The following GAREM1 variants were observed in gnomAD, a reference collection of about 807,000 sequenced individuals.
GAREM1 encodes GRB2-associated and regulator of MAPK protein 1.
Under a neutral mutation model 71.3 loss-of-function variants are expected in GAREM1, and 26 were observed. That is an observed-to-expected ratio of 0.36 (90% CI 0.27 to 0.51). The LOEUF (loss-of-function observed/expected upper bound fraction) is 0.51. GAREM1 is among the 20% of genes least tolerant of loss of function. The pLI is 0.95. For synonymous variants in GAREM1, 440 were observed against 433.2 expected (o/e 1.02, Z -0.20); for missense variants, 1,026 against 1,103.1 (o/e 0.93, Z 0.99).
chr18:32,292,440 GAA>G (rs1240559358), intron 3 of GAREM1, among the ~76,000 whole-genome samples: 9 of 152,116 alleles, frequency 5.9e-5, no homozygotes, highest in Non-Finnish European at 1.0e-4. Flanking sequence ...CCATTCTGGG[GAA>G]AGAGAAAATC....
At chr18:32,382,479 C>T (rs1336508046) in intron 2 of GAREM1, among the ~76,000 whole-genome samples, 2 of 152,074 alleles carry the variant, frequency 1.3e-5, no homozygotes, top group African/African-American at 2.4e-5. Flanking sequence ...ACCTGAGCAA[C>T]AACCAACAAC....
intron 3 of GAREM1, among the ~76,000 whole-genome samples, chr18:32,290,899 A>T (rs2047076585): frequency 6.6e-6 from 1 of 152,162 alleles, no homozygotes; most frequent in Non-Finnish European, 1.5e-5. Flanking sequence ...ATACAGCATG[A>T]TACAACCCGT....
intron 3 of GAREM1, among the ~76,000 whole-genome samples, chr18:32,289,383 G>A (rs981658172): frequency 6.8e-4 from 103 of 152,162 alleles, no homozygotes; most frequent in African/African-American, 2.4e-3. Flanking sequence ...TTACCAGCAT[G>A]AGAGGTAAAG....
At chr18:32,462,563 C>CT (rs149959167) in intron 1 of GAREM1, among the ~76,000 whole-genome samples, 1,799 of 152,254 alleles carry the variant, frequency 0.012, 28 homozygotes, top group African/African-American at 0.042. Context: ...TGCAAGTTGC[C>CT]TTTTTGCTCC....
chr18:32,287,347 G>A lies in GAREM1; in HGVS notation c.1250C>T (p.Pro417Leu). ...RDLGGDWAPFPHDILPYQDSG... is the reference protein window; with the variant it reads ...RDLGGDWAPFLHDILPYQDSG... ...GTCCTGATAGGGCAGGATGTCATGAGGAAAGGGAGCCCAATCTCCCCCCAG... is the reference window on the plus strand; with the variant it reads ...GTCCTGATAGGGCAGGATGTCATGAAGAAAGGGAGCCCAATCTCCCCCCAG... Residue 417 changes from proline (P) to leucine (L), a missense_variant, in exon 4 of 6, where the codon CCT (proline) becomes CTT (leucine). Pro to Leu is a moderately conservative substitution (Grantham distance 98). Coordinates refer to ENST00000269209, the MANE Select transcript of GAREM1 (RefSeq NM_001242409.2). This position sits in a 1 kb window ranked among gnomAD's most constrained non-coding sequence, Gnocchi z 5.9. 2 of 1,614,168 alleles carry A rather than the reference G, an allele frequency of 1.2e-6. No individual in the cohort carries two copies. The highest frequency in any genetic ancestry group is 1.7e-6 in the Non-Finnish European group (2 of 1,180,032).
intron 2 of GAREM1, among the ~76,000 whole-genome samples, chr18:32,342,992 G>A (rs974603425): frequency 6.6e-5 from 10 of 152,202 alleles, no homozygotes; most frequent in African/African-American, 2.4e-4. Context: ...TATTTGCTAA[G>A]AGCCTTGAAG....
At chr18:32,283,781 T>G (rs1268690480) in intron 4 of GAREM1, among the ~76,000 whole-genome samples, 1 of 152,188 alleles carries the variant, frequency 6.6e-6, no homozygotes, top group Non-Finnish European at 1.5e-5. Flanking sequence ...CTGTTTAAGA[T>G]ACAAACAGAA....
At chr18:32,322,504 C>G (rs1293612956) in intron 2 of GAREM1, among the ~76,000 whole-genome samples, 2 of 152,052 alleles carry the variant, frequency 1.3e-5, no homozygotes, top group Non-Finnish European at 2.9e-5. Flanking sequence ...TCAGTTACAA[C>G]ACCTGAAAGA....
chr18:32,268,478 T>C lies in GAREM1; in HGVS notation c.2024A>G (p.Glu675Gly). The C allele has an allele frequency of 6.2e-7, 1 of 1,614,168 alleles. No individual in the cohort carries two copies. Among genetic ancestry groups the C allele is most frequent in the Admixed American group, 1.7e-5 (1 of 60,008 alleles). Reference protein sequence around the residue: ...CPAPFDFDGCELLASPTSPVT... With the variant: ...CPAPFDFDGCGLLASPTSPVT... The stretch of plus-strand genomic sequence containing the variant: ...TGGGCTAGTGGGGCTGGCCAGGAGC[T>C]CACAGCCATCAAAATCAAAAGGTGC... Residue 675 changes from glutamate (E) to glycine (G), a missense_variant, in exon 6 of 6, where the codon GAG becomes GGG. By Grantham distance (98) the Glu-to-Gly change is moderately conservative (BLOSUM62 -2). Coordinates refer to ENST00000269209, the MANE Select transcript of GAREM1 (RefSeq NM_001242409.2).
intron 2 of GAREM1, among the ~76,000 whole-genome samples, chr18:32,345,765 T>C (rs544608757): frequency 6.6e-6 from 1 of 152,194 alleles, no homozygotes; most frequent in East Asian, 1.9e-4. Flanking sequence ...TGGGTGATAA[T>C]GGCACTGTTG....
Position 32,413,142 on chromosome 18 carries a change from T to C in GAREM1, c.122-20107A>G, listed in dbSNP as rs566086249. The C allele has an allele frequency of 6.5e-4, 1,000 of 1,549,140 alleles. No homozygotes were observed. The African/African-American group carries it at 0.011, about 17-fold the overall frequency. On this transcript the variant is annotated intron_variant, in intron 1 of 5. Coordinates refer to ENST00000269209, the MANE Select transcript of GAREM1 (RefSeq NM_001242409.2). Reference sequence around the variant, plus strand: ...CCCTCCAATGAAGAGCTTCCTCAGCTGTTCGGGCTCTTTAGGAGACTCTGA... The same window carrying C: ...CCCTCCAATGAAGAGCTTCCTCAGCCGTTCGGGCTCTTTAGGAGACTCTGA...
intron 2 of GAREM1, among the ~76,000 whole-genome samples, chr18:32,328,714 A>G (rs2047496731): frequency 6.6e-6 from 1 of 152,224 alleles, no homozygotes; most frequent in Non-Finnish European, 1.5e-5. Flanking sequence ...AAACTGGCTC[A>G]TTATATGGAG....
intron 4 of GAREM1, among the ~76,000 whole-genome samples, chr18:32,272,789 A>G (rs527846627): frequency 1.6e-3 from 236 of 152,198 alleles, no homozygotes; most frequent in Admixed American, 2.5e-3. Context: ...ACACCCAGCT[A>G]ATTTTGTATT....
At chr18:32,301,141 C>T (rs982645017) in intron 3 of GAREM1, among the ~76,000 whole-genome samples, 1 of 152,126 alleles carries the variant, frequency 6.6e-6, no homozygotes, top group Non-Finnish European at 1.5e-5. Context: ...TTGCATTAAT[C>T]ATATTAAACT....
chr18:32,354,508 C>A (rs1415128929), intron 2 of GAREM1, among the ~76,000 whole-genome samples: 1 of 152,130 alleles, frequency 6.6e-6, no homozygotes, highest in Non-Finnish European at 1.5e-5. Flanking sequence ...GTTTCTTTTT[C>A]ATCTATGATA....
intron 1 of GAREM1, among the ~76,000 whole-genome samples, chr18:32,425,542 A>C (rs2048566053): frequency 6.6e-6 from 1 of 152,160 alleles, no homozygotes; most frequent in Non-Finnish European, 1.5e-5. Flanking sequence ...GTGGAGACAC[A>C]AAAGAGAGAG....
At chr18:32,373,727 C>T (rs751931320) in intron 2 of GAREM1, among the ~76,000 whole-genome samples, 19 of 152,214 alleles carry the variant, frequency 1.2e-4, no homozygotes, top group Non-Finnish European at 2.4e-4. Context: ...GGTTTCTTTT[C>T]AACCGCCAGA....
At chr18:32,289,468 TCTTA>T (rs550680860) in intron 3 of GAREM1, among the ~76,000 whole-genome samples, 131 of 152,348 alleles carry the variant, frequency 8.6e-4, no homozygotes, top group African/African-American at 3.1e-3. Flanking sequence ...TATTTAGATC[TCTTA>T]CTGATTACTT....
chr18:32,381,610 A>T (rs1399601658), intron 2 of GAREM1, among the ~76,000 whole-genome samples: 1 of 152,072 alleles, frequency 6.6e-6, no homozygotes, highest in African/African-American at 2.4e-5. Context: ...CTTCCTAACT[A>T]GTTCTTCTAC....
Sources: allele counts gnomAD v4.1 joint callset (sites outside exome capture counted in the v4.1 genomes callset), GRCh38; gene constraint gnomAD v4.1.1; non-coding constraint Gnocchi (gnomAD v3.1); transcripts MANE v1.5; gene names NCBI Gene and HGNC (gene_info 2026-07-23, HGNC 2026-07-21).